The following NUFIP2 variants were observed in gnomAD, a reference collection of about 807,000 sequenced individuals.
The protein encoded by NUFIP2 is nuclear FMR1 interacting protein 2.
A neutral mutation model predicts 56.9 loss-of-function variants in NUFIP2; 6 were observed. That is an observed-to-expected ratio of 0.11 (90% CI 0.06 to 0.21). The LOEUF is 0.21. Among genes scored for constraint, NUFIP2 ranks in the 10% least tolerant of loss-of-function variants. The pLI, the probability that NUFIP2 is intolerant of heterozygous loss-of-function variation, is 1.00. For synonymous variants in NUFIP2, 321 were observed against 298.2 expected (o/e 1.08, Z -0.79); for missense variants, 828 against 826.8 (o/e 1.00, Z -0.02).
rs1185847013 is a variant in NUFIP2, at chr17:29,264,382, T to C, written c.*157A>G. On this transcript the variant is annotated 3_prime_UTR_variant, in exon 4 of 4. Coordinates refer to ENST00000225388, the MANE Select transcript of NUFIP2 (RefSeq NM_020772.3). Reference sequence around the variant, plus strand: ...GTTGCCTTTTTTAAATAACTATATATATATATATGTATATATATATATTTG... The same window carrying C: ...GTTGCCTTTTTTAAATAACTATATACATATATATGTATATATATATATTTG... 3 of 218,600 alleles carry C rather than the reference T, an allele frequency of 1.4e-5. No homozygotes were observed. The highest frequency in any genetic ancestry group is 2.7e-5 in the Non-Finnish European group (3 of 110,726). The allele number at this position is 218,600 out of a possible 1,614,324, so 13.5% of individuals were successfully genotyped here.
chr17:29,283,638 G>A (rs1272233706), intron 2 of NUFIP2, among the ~76,000 whole-genome samples: 1 of 152,102 alleles, frequency 6.6e-6, no homozygotes, highest in African/African-American at 2.4e-5. Flanking sequence ...TACCCTCTCA[G>A]GCTCACACAA....
chr17:29,284,483 A>G (rs1253116260), intron 2 of NUFIP2, among the ~76,000 whole-genome samples: 1 of 152,040 alleles, frequency 6.6e-6, no homozygotes, highest in Non-Finnish European at 1.5e-5. Flanking sequence ...AGGTGGGTGG[A>G]TCACCTGAGG....
intron 2 of NUFIP2, among the ~76,000 whole-genome samples, chr17:29,275,534 T>G (rs1186557000): frequency 6.6e-6 from 1 of 152,192 alleles, no homozygotes; most frequent in African/African-American, 2.4e-5. Context: ...TGTTCAACTC[T>G]GGTAAATCTT....
At chr17:29,269,176 A>G (rs1416228106) in intron 2 of NUFIP2, among the ~76,000 whole-genome samples, 2 of 152,250 alleles carry the variant, frequency 1.3e-5, no homozygotes, top group Admixed American at 1.3e-4. Context: ...AACATTAAGG[A>G]TAAGTAGTCT....
chr17:29,278,878 A>G (rs1048289815), intron 2 of NUFIP2, among the ~76,000 whole-genome samples: 12 of 152,184 alleles, frequency 7.9e-5, no homozygotes, highest in Admixed American at 4.6e-4. Context: ...TGGGTACTAA[A>G]CAGCCAGTAT....
Position 29,269,751 on chromosome 17 carries a change from T to G in NUFIP2, c.2003-2221A>C, listed in dbSNP as rs566724821. 3.9e-5 allele frequency among the ~76,000 whole-genome samples: 6 copies of G among 152,128 alleles called. No individual in the cohort carries two copies. In the East Asian group the frequency reaches 7.7e-4, roughly 20 times the overall value. On this transcript the variant is annotated intron_variant, in intron 2 of 3. Transcript: ENST00000225388. ...CAGCCACCAAGTCTGGCACTTTTTT[T>G]TTTGAGTCGCCCAGGCTGGAGTACA...
chr17:29,293,748 C>CCACCCCCA, intron 1 of NUFIP2, 35 bp downstream of exon 1: 3 of 1,393,216 alleles, frequency 2.2e-6, no homozygotes, highest in Non-Finnish European at 3.0e-6. Context: ...CCTCCACCCC[C>CCACCCCCA]AACCCCCTTC....
intron 2 of NUFIP2, among the ~76,000 whole-genome samples, chr17:29,275,263 A>G (rs894435056): frequency 2.0e-5 from 3 of 152,108 alleles, no homozygotes; most frequent in East Asian, 1.9e-4. Flanking sequence ...ACCTCAGGTG[A>G]TCCACCTGCC....
chr17:29,279,833 G>A (rs188650393), intron 2 of NUFIP2, among the ~76,000 whole-genome samples: 27 of 152,118 alleles, frequency 1.8e-4, no homozygotes, highest in Admixed American at 8.5e-4. Flanking sequence ...TTCATTTTTT[G>A]AGGTGAAGTC....
At chr17:29,291,480 G>C (rs2069213171) in intron 1 of NUFIP2, among the ~76,000 whole-genome samples, 1 of 152,180 alleles carries the variant, frequency 6.6e-6, no homozygotes, top group South Asian at 2.1e-4. Context: ...CAACAGTACT[G>C]TGACCAAATC....
chr17:29,273,417 C>T (rs1304086730), intron 2 of NUFIP2, among the ~76,000 whole-genome samples: 1 of 152,136 alleles, frequency 6.6e-6, no homozygotes, highest in Non-Finnish European at 1.5e-5. Flanking sequence ...GGTGATCCAC[C>T]CACCTTGGCC....
At chr17:29,293,728 T>G in intron 1 of NUFIP2, 55 bp downstream of exon 1, 117 of 713,262 alleles carry the variant, frequency 1.6e-4, no homozygotes, top group Non-Finnish European at 2.5e-4. Context: ...CCCACCCCCA[T>G]CTCTCCTGTC....
rs1487106305 is a variant in NUFIP2 at position 29,257,987 on chromosome 17, T to A, written c.*6552A>T. ...AGAGAGCACCAGTTGGGCAATAGAA[T>A]GAGCATTTCATACTGCATAAAAATT... On this transcript the variant is annotated 3_prime_UTR_variant, in exon 4 of 4. Transcript: ENST00000225388. 1 of 152,188 alleles carries A rather than the reference T, an allele frequency of 6.6e-6. No individual in the cohort carries two copies. The highest frequency in any genetic ancestry group is 1.9e-4 in the East Asian group (1 of 5,204). The allele number at this position is 152,188 out of a possible 1,614,324, so 9.4% of individuals were successfully genotyped here. A position where few individuals can be genotyped will look rare whatever the true frequency, so the allele number is the denominator to read the frequency against.
chr17:29,287,082 T>C lies in NUFIP2; in HGVS notation c.912A>G (p.Ser304=), dbSNP rs139251401. 51 of 1,614,118 alleles carry C rather than the reference T, an allele frequency of 3.2e-5. No homozygotes were observed. The Middle Eastern group carries it at 4.9e-4, about 16-fold the overall frequency. Residue 304 remains serine (S), a synonymous_variant, in exon 2 of 4, where the codon TCA becomes TCG. Transcript: ENST00000225388. ...TGCTGCTCACACCAGGTTTACTATC[T>C]GAGCTTTTCCGAAGCATATCACCCA... The part of the protein sequence containing the change: ...PAVGDMLRKS[S]DSKPGVSSKK...
At position 29,286,730 on chromosome 17, in the gene NUFIP2, C is replaced by T. The variant is rs1567681491; in HGVS notation, c.1264G>A (p.Gly422Arg). Reference sequence around the variant, plus strand: ...GGAGGATAAACATTTCCATCAGTCCCTGCTAAAACAGGCCCATTAGAAAAG... The same window carrying T: ...GGAGGATAAACATTTCCATCAGTCCTTGCTAAAACAGGCCCATTAGAAAAG... ...ANFSNGPVLA[G>R]TDGNVYPPGG... The change falls in exon 2 of 4, where the codon GGG (glycine) becomes AGG (arginine). Residue 422 changes from glycine to arginine, a missense_variant. This residue lies in a region of NUFIP2 where 404 missense variants were observed against 380.3 expected (regional missense o/e 1.06). Coordinates refer to ENST00000225388, the MANE Select transcript of NUFIP2 (RefSeq NM_020772.3). The T allele has an allele frequency of 1.2e-6, 2 of 1,614,092 alleles. No homozygotes were observed. Among genetic ancestry groups the T allele is most frequent in the Non-Finnish European group, 1.7e-6 (2 of 1,180,022 alleles).
Position 29,293,857 on chromosome 17 carries a change from G to A in NUFIP2, c.203C>T (p.Ala68Val), listed in dbSNP as rs2069234431. ...CTCATGTTTCAGCGGCTTTGGCTGG[G>A]CCTTGGGGCTGCCCTCGGCTCCATG... ...LQHGAEGSPK[A>V]QPKPLKHEQK... Residue 68 changes from alanine (A) to valine (V), a missense_variant, in exon 1 of 4, where the codon GCC becomes GTC. Transcript: ENST00000225388. 1 of 1,613,000 alleles carries A rather than the reference G, an allele frequency of 6.2e-7. No individual in the cohort carries two copies. Among genetic ancestry groups the A allele is most frequent in the Non-Finnish European group, 8.5e-7 (1 of 1,179,178 alleles).
At chr17:29,276,275 C>T in intron 2 of NUFIP2, among the ~76,000 whole-genome samples, 1 of 152,040 alleles carries the variant, frequency 6.6e-6, no homozygotes, top group East Asian at 1.9e-4. Flanking sequence ...TTATTTCCTC[C>T]ACCTAAAGTA....
rs555700152 is a variant in NUFIP2, at chr17:29,258,970, A to C, written c.*5569T>G. 6.6e-6 allele frequency: 1 copy of C among 152,272 alleles called. No homozygotes were observed. The highest frequency in any genetic ancestry group is 2.1e-4 in the South Asian group (1 of 4,830). The allele number at this position is 152,272 out of a possible 1,614,324, so 9.4% of individuals were successfully genotyped here. On this transcript the variant is annotated 3_prime_UTR_variant, in exon 4 of 4. Coordinates refer to ENST00000225388, the MANE Select transcript of NUFIP2 (RefSeq NM_020772.3). ...TCCTCCTCTATGAAGGATAAATGAA[A>C]ACAGATTAATAATAGACAAACAGGG... is the stretch of plus-strand genomic sequence containing the variant.
At chr17:29,272,863 CTTT>C (rs758997651) in intron 2 of NUFIP2, among the ~76,000 whole-genome samples, 1 of 140,532 alleles carries the variant, frequency 7.1e-6, no homozygotes, top group African/African-American at 2.6e-5. Flanking sequence ...CTTTTCTTTT[CTTT>C]TTTTTGAGAG....
Sources: gnomAD v4.1 joint callset for allele counts (sites outside exome capture counted in the v4.1 genomes callset) on GRCh38, gnomAD v4.1.1 for gene constraint, gnomAD v4.1.1 regional missense constraint, MANE v1.5 for transcripts, NCBI Gene and HGNC (gene_info 2026-07-23, HGNC 2026-07-21) for gene names.